The following MYO15A variants were observed in gnomAD, a reference collection of about 807,000 sequenced individuals.
MYO15A encodes the protein unconventional myosin-XV.
Under a neutral mutation model 394.6 loss-of-function variants are expected in MYO15A, and 308 were observed. The ratio of observed to expected loss-of-function variants is 0.78; its 90% CI spans 0.71 to 0.86. The LOEUF is 0.86. Ranked by LOEUF, MYO15A falls within the 40% of genes least tolerant of loss-of-function variation. The pLI, the probability that MYO15A is intolerant of heterozygous loss-of-function variation, is 0.00. For synonymous variants in MYO15A, 1,957 were observed against 2,003.8 expected (o/e 0.98, Z 0.62); for missense variants, 4,606 against 4,799.1 (o/e 0.96, Z 1.19).
chr17:18,154,772 G>C lies in MYO15A; in HGVS notation c.8224+17G>C, dbSNP rs1192510062. ...CCTTGTTTGGTATCTCGGGGGAGAG[G>C]AGGGGTACTGATGGGGCAACCAGTC... is the stretch of plus-strand genomic sequence containing the variant. On this transcript the variant is annotated intron_variant, in intron 45 of 65. Coordinates refer to ENST00000647165, the MANE Select transcript of MYO15A (RefSeq NM_016239.4). The C allele has an allele frequency of 2.5e-6, 4 of 1,612,458 alleles. No homozygotes were observed. The highest frequency in any genetic ancestry group is 3.4e-6 in the Non-Finnish European group (4 of 1,179,652).
chr17:18,120,152 G>A lies in MYO15A; in HGVS notation c.1352G>A (p.Arg451His), dbSNP rs371168663. Reference protein sequence around the residue: ...AGVERQGTSFRLPSAAFFEQQ... With the variant: ...AGVERQGTSFHLPSAAFFEQQ... ...GTAGAGCGTCAGGGGACCTCCTTCC[G>A]CCTGCCCAGCGCCGCCTTCTTCGAG... is the stretch of plus-strand genomic sequence containing the variant. Residue 451 changes from arginine to histidine, a missense_variant, in exon 2 of 66, where the codon CGC becomes CAC. Physicochemically the swap from Arg to His is conservative, Grantham distance 29. Coordinates refer to ENST00000647165, the MANE Select transcript of MYO15A (RefSeq NM_016239.4). The A allele has an allele frequency of 6.8e-6, 11 of 1,612,902 alleles. No homozygotes were observed. The highest frequency in any genetic ancestry group is 2.2e-5 in the East Asian group (1 of 44,878).
At position 18,138,128 on chromosome 17, in the gene MYO15A, G is replaced by T; in HGVS notation, c.4889G>T (p.Arg1630Leu). 1 of 1,612,228 alleles carries T rather than the reference G, an allele frequency of 6.2e-7. No individual in the cohort carries two copies. Residue 1630 changes from arginine to leucine, a missense_variant, in exon 17 of 66, where the codon CGT (arginine) becomes CTT (leucine). Coordinates refer to ENST00000647165, the MANE Select transcript of MYO15A (RefSeq NM_016239.4). ...CACTGCCTGCAGGAGGAGTACATCC[G>T]TGAGCAGATAGACTGGCAGGAGATC... ...VFQEEQEEYI[R>L]EQIDWQEITF...
Position 18,120,134 on chromosome 17 carries a change from G to C in MYO15A, c.1334G>C (p.Arg445Pro). The C allele has an allele frequency of 6.2e-7, 1 of 1,612,986 alleles. No individual in the cohort carries two copies. Among genetic ancestry groups the C allele is most frequent in the Admixed American group, 1.7e-5 (1 of 60,022 alleles). ...LEEPEDAGVERQGTSFRLPSA... is the reference protein window; with the variant it reads ...LEEPEDAGVEPQGTSFRLPSA... The stretch of plus-strand genomic sequence containing the variant: ...GAACCAGAGGACGCGGGCGTAGAGC[G>C]TCAGGGGACCTCCTTCCGCCTGCCC... The change falls in exon 2 of 66, where the codon CGT (arginine) becomes CCT (proline). Residue 445 changes from arginine (R) to proline (P), a missense_variant. Physicochemically the swap from Arg to Pro is moderately radical, Grantham distance 103 (BLOSUM62 -2). Transcript: ENST00000647165.
At chr17:18,139,693 C>G (rs1430864288) in intron 19 of MYO15A, 82 bp downstream of exon 19, 2 of 1,513,362 alleles carry the variant, frequency 1.3e-6, no homozygotes, top group South Asian at 2.3e-5. Flanking sequence ...AGGCCTGGGA[C>G]CGTGTTGCCA....
chr17:18,161,087 C>T, intron 56 of MYO15A: 2 of 687,002 alleles, frequency 2.9e-6, no homozygotes, highest in Non-Finnish European at 5.3e-6. Flanking sequence ...AGTCGCAGTG[C>T]TTCCCCTACC....
In MYO15A at chr17:18,153,677, G is replaced by A. The variant is rs1398419596; in HGVS notation, c.7967-98G>A. The stretch of plus-strand genomic sequence containing the variant: ...TGCGCCACTGCACTCTAGCCTGGGG[G>A]ACAACAGCGAAACTCCGTCTCAAAA... On this transcript the variant is annotated intron_variant, in intron 42 of 65. Coordinates refer to ENST00000647165, the MANE Select transcript of MYO15A (RefSeq NM_016239.4). This position sits in a 1 kb window ranked among gnomAD's most constrained non-coding sequence, Gnocchi z 4.1. The A allele has an allele frequency of 1.6e-6, 2 of 1,218,164 alleles. No homozygotes were observed. The highest frequency in any genetic ancestry group is 2.1e-6 in the Non-Finnish European group (2 of 948,632). 75.5% of individuals were successfully genotyped at this position (1,218,164 alleles called of 1,614,324 possible).
intron 41 of MYO15A, 71 bp downstream of exon 41, chr17:18,152,022 A>G: frequency 6.5e-7 from 1 of 1,539,164 alleles, no homozygotes; most frequent in Non-Finnish European, 8.8e-7. Flanking sequence ...ATCCTCAGAA[A>G]CCAGCTACCC....
chr17:18,155,509 G>A, intron 47 of MYO15A, 77 bp downstream of exon 47: 1 of 1,340,934 alleles, frequency 7.5e-7, no homozygotes. Flanking sequence ...CCCCTCCACA[G>A]CCACTTACCA....
At position 18,127,126 on chromosome 17, in the gene MYO15A, C is replaced by A; in HGVS notation, c.3993C>A (p.Tyr1331Ter). ...AGGCCACCAAGCTGATTCTGCGCTA[C>A]CTGGCCGCCATGAACCAGAAACGGG... Reference protein sequence around the residue: ...KTEATKLILRYLAAMNQKREV... With the variant: ...KTEATKLILR The change falls in exon 7 of 66, where the codon TAC becomes TAA. Residue 1331 changes from tyrosine (Y) to a stop codon, truncating the protein, a stop_gained. Transcript: ENST00000647165. LOFTEE classifies it high-confidence loss of function. 6.2e-7 allele frequency: 1 copy of A among 1,614,116 alleles called. No homozygotes were observed. The highest frequency in any genetic ancestry group is 8.5e-7 in the Non-Finnish European group (1 of 1,180,032).
At position 18,172,992 on chromosome 17, in the gene MYO15A, A is replaced by G. The variant is rs564009706; in HGVS notation, c.10350+702A>G. Among the ~76,000 whole-genome samples, 9 of 152,292 alleles carry G rather than the reference A, an allele frequency of 5.9e-5. No individual in the cohort carries two copies. In the South Asian group the frequency reaches 1.9e-3, roughly 32 times the overall value. On this transcript the variant is annotated intron_variant, in intron 64 of 65. Coordinates refer to ENST00000647165, the MANE Select transcript of MYO15A (RefSeq NM_016239.4). ...GACCCTGCGACAGGGATTCCAGGGC[A>G]AGTGGTTGATTTAGAGTTGATTCCA...
intron 65 of MYO15A, 110 bp downstream of exon 65, chr17:18,174,031 T>C: frequency 2.1e-6 from 3 of 1,453,174 alleles, no homozygotes; most frequent in Non-Finnish European, 2.8e-6. Flanking sequence ...GGCCAGTGCA[T>C]GGGACAGAAC....
At position 18,151,530 on chromosome 17, in the gene MYO15A, C is replaced by A; in HGVS notation, c.7787+3C>A. On this transcript the variant is annotated splice_donor_region_variant and intron_variant, in intron 40 of 65. Transcript: ENST00000647165. ...GGAGGCCGGCCTGAGGCCCTCAGGTCAGCACTGCCCCTGCCCCCAGCCCGC... is the reference window on the plus strand; with the variant it reads ...GGAGGCCGGCCTGAGGCCCTCAGGTAAGCACTGCCCCTGCCCCCAGCCCGC... 6.2e-7 allele frequency: 1 copy of A among 1,614,022 alleles called. No individual in the cohort carries two copies. The highest frequency in any genetic ancestry group is 1.1e-5 in the South Asian group (1 of 91,066).
chr17:18,125,187 G>A lies in MYO15A; in HGVS notation c.3712G>A (p.Val1238Met). The change falls in exon 4 of 66, where the codon GTG becomes ATG. Residue 1238 changes from valine (V) to methionine (M), a missense_variant. Val to Met is a conservative substitution (Grantham distance 21). This residue lies in a region of MYO15A where 2,776 missense variants were observed against 3,109.3 expected (regional missense o/e 0.89). Coordinates refer to ENST00000647165, the MANE Select transcript of MYO15A (RefSeq NM_016239.4). ...TQLEDLQETTVLSNLKIRFER... is the reference protein window; with the variant it reads ...TQLEDLQETTMLSNLKIRFER... Reference sequence around the variant, plus strand: ...TTCTAGAGACCTCCAGGAAACCACTGTGCTGTCCAACCTCAAGATTAGATT... The same window carrying A: ...TTCTAGAGACCTCCAGGAAACCACTATGCTGTCCAACCTCAAGATTAGATT... 6.2e-7 allele frequency: 1 copy of A among 1,614,136 alleles called. No homozygotes were observed. The highest frequency in any genetic ancestry group is 1.7e-5 in the Admixed American group (1 of 60,022).
intron 42 of MYO15A, 121 bp downstream of exon 42, chr17:18,152,305 G>A: frequency 2.1e-6 from 2 of 961,258 alleles, no homozygotes; most frequent in Middle Eastern, 2.0e-4. Context: ...TGTACATCTT[G>A]TGAGCACATT....
At chr17:18,145,741 A>G (rs2046465759) in intron 29 of MYO15A, 131 bp from the exon 30 acceptor site, 1 of 759,224 alleles carries the variant, frequency 1.3e-6, no homozygotes, top group East Asian at 2.7e-5. Flanking sequence ...TAGCAGTTAT[A>G]TTGTAATATA....
chr17:18,132,629 T>C lies in MYO15A; in HGVS notation c.4320+63T>C. 1 of 1,394,152 alleles carries C rather than the reference T, an allele frequency of 7.2e-7. No individual in the cohort carries two copies. Among genetic ancestry groups the C allele is most frequent in the East Asian group, 2.3e-5 (1 of 43,836 alleles). The allele number at this position is 1,394,152 out of a possible 1,614,324, so 86.4% of individuals were successfully genotyped here. ...GTCCTCCCACCCCGACGCCCCTGGC[T>C]GGGCCTTGGGAGCCGAGTTGTGAGT... On this transcript the variant is annotated intron_variant, in intron 11 of 65. Coordinates refer to ENST00000647165, the MANE Select transcript of MYO15A (RefSeq NM_016239.4). This position sits in a 1 kb window ranked among gnomAD's most constrained non-coding sequence, Gnocchi z 4.6.
chr17:18,142,887 G>A, intron 25 of MYO15A, 47 bp downstream of exon 25: 1 of 1,550,750 alleles, frequency 6.4e-7, no homozygotes, highest in East Asian at 2.4e-5. Flanking sequence ...CAGAGAAGGG[G>A]AAAGGGCACT....
At position 18,121,087 on chromosome 17, in the gene MYO15A, C is replaced by T. The variant is rs754311954; in HGVS notation, c.2287C>T (p.Arg763Trp). Residue 763 changes from arginine to tryptophan, a missense_variant, in exon 2 of 66, where the codon CGG (arginine) becomes TGG (tryptophan). This residue lies in a region of MYO15A where 1,830 missense variants were observed against 1,689.7 expected (regional missense o/e 1.08). Coordinates refer to ENST00000647165, the MANE Select transcript of MYO15A (RefSeq NM_016239.4). The surrounding 1 kb of genome is among the most constrained non-coding windows in gnomAD (Gnocchi z 5.3). ...TTTCGGCTTCCCCGGGGCCTCTCCA[C>T]GGGCGTCGCGGAGGCGAGCTTGGTC... ...AAFGFPGASP[R>W]ASRRRAWSPL... 42 of 1,503,430 alleles carry T rather than the reference C, an allele frequency of 2.8e-5. No individual in the cohort carries two copies. In the African/African-American group the frequency reaches 4.0e-4, roughly 14 times the overall value. 93.1% of individuals were successfully genotyped at this position (1,503,430 alleles called of 1,614,324 possible). A position where few individuals can be genotyped will look rare whatever the true frequency, so the allele number is the denominator to read the frequency against.
rs1264227821 is a variant in MYO15A, at chr17:18,145,854, ACT to A, written c.6274-15_6274-14del. 4.6e-5 allele frequency: 74 copies of A among 1,611,284 alleles called. No individual in the cohort carries two copies. The highest frequency in any genetic ancestry group is 6.0e-5 in the Non-Finnish European group (71 of 1,178,884). On this transcript the variant is annotated splice_polypyrimidine_tract_variant and intron_variant, in intron 29 of 65. Coordinates refer to ENST00000647165, the MANE Select transcript of MYO15A (RefSeq NM_016239.4). ...AACAACTTTCTGAGATGCCCAGGAG[ACT>A]CTGTTCGTGGCCCAGATCCTGCGCT...
Sources: gnomAD v4.1 joint callset for allele counts (sites outside exome capture counted in the v4.1 genomes callset) on GRCh38, gnomAD v4.1.1 for gene constraint, gnomAD v4.1.1 regional missense constraint, Gnocchi (gnomAD v3.1) non-coding constraint, MANE v1.5 for transcripts, NCBI Gene and HGNC (gene_info 2026-07-23, HGNC 2026-07-21) for gene names.